Variants in SLC8A1 observed in about 807,000 individuals in gnomAD.
SLC8A1 encodes solute carrier family 8 member A1.
In SLC8A1, 18 loss-of-function variants were observed where a neutral mutation model predicts 68.3. That is an observed-to-expected ratio of 0.26 (90% CI 0.18 to 0.39). The LOEUF is 0.39. Among genes scored for constraint, SLC8A1 ranks in the 10% least tolerant of loss-of-function variants. SLC8A1 has a pLI of 1.00. For missense variants in SLC8A1, 985 were observed against 1,156.7 expected (o/e 0.85, Z 2.15); for synonymous variants, 475 against 415.5 (o/e 1.14, Z -1.74).
At chr2:40,333,519 C>T (rs953104312) in intron 2 of SLC8A1, among the ~76,000 whole-genome samples, 3 of 150,674 alleles carry the variant, frequency 2.0e-5, no homozygotes, top group African/African-American at 7.3e-5. Flanking sequence ...GTTGAGGTAA[C>T]CAATGTTATT....
At chr2:40,257,955 G>C (rs764278332) in intron 2 of SLC8A1, among the ~76,000 whole-genome samples, 2 of 152,218 alleles carry the variant, frequency 1.3e-5, no homozygotes. Flanking sequence ...GAGTGAGGAG[G>C]AAAGGAGAAT....
intron 2 of SLC8A1, among the ~76,000 whole-genome samples, chr2:40,267,227 G>A (rs2373823): frequency 0.13 from 19,034 of 152,148 alleles, 1,515 homozygotes; most frequent in Admixed American, 0.27. Flanking sequence ...TTACTTGCCT[G>A]AGTTATCTGG....
At chr2:40,192,774 C>T in intron 2 of SLC8A1, among the ~76,000 whole-genome samples, 1 of 151,980 alleles carries the variant, frequency 6.6e-6, no homozygotes, top group South Asian at 2.1e-4. Context: ...TTTGTAGAAT[C>T]ATCAAAATCC....
exon 8 of SLC8A1, chr2:40,107,383 A>G (rs2034281976): frequency 6.6e-6 from 1 of 151,574 alleles, no homozygotes; most frequent in South Asian, 2.1e-4. Context: ...TCATGTTTTT[A>G]ATTCCCCAGG....
At chr2:40,115,144 C>A in exon 8 of SLC8A1, 1 of 807,620 alleles carries the variant, frequency 1.2e-6, no homozygotes, top group African/African-American at 1.8e-5. Flanking sequence ...AAGCTGGATT[C>A]CATCAGCAGG....
chr2:40,197,304 G>A (rs449383), intron 2 of SLC8A1, among the ~76,000 whole-genome samples: 90,489 of 151,794 alleles, frequency 0.6, 28,002 homozygotes, highest in Middle Eastern at 0.77. Context: ...CTCAGAGATC[G>A]TTGGCAGAAG....
At chr2:40,402,207 T>C (rs1688948692) in intron 2 of SLC8A1, among the ~76,000 whole-genome samples, 3 of 152,156 alleles carry the variant, frequency 2.0e-5, no homozygotes, top group Admixed American at 2.0e-4. Flanking sequence ...ATATGCTAAT[T>C]ATAATGTATT....
At chr2:40,214,490 T>C (rs371103443) in intron 2 of SLC8A1, among the ~76,000 whole-genome samples, 86 of 151,910 alleles carry the variant, frequency 5.7e-4, no homozygotes, top group African/African-American at 2.0e-3. Context: ...TCTCCTGGGC[T>C]GGAGTGCAAT....
intron 2 of SLC8A1, among the ~76,000 whole-genome samples, chr2:40,386,762 T>A (rs1354598303): frequency 6.6e-6 from 1 of 151,000 alleles, no homozygotes; most frequent in African/African-American, 2.5e-5. Context: ...TACTCCTCAT[T>A]GCTGGAGGTT....
intron 2 of SLC8A1, among the ~76,000 whole-genome samples, chr2:40,349,454 C>A (rs1177708922): frequency 1.3e-5 from 2 of 152,158 alleles, no homozygotes; most frequent in Admixed American, 1.3e-4. Flanking sequence ...TTTCTAGTTA[C>A]CAGTGAAGTC....
rs551223408 is a variant in SLC8A1, at chr2:40,411,849, T to C, written c.1808+16624A>G. ...TTTCTCCTTGTCTTTTAAAAATTTC[T>C]TATATTGGGTATCCTGTTTTTATAC... On this transcript the variant is annotated intron_variant, in intron 2 of 7. Coordinates refer to ENST00000406785, the Ensembl canonical transcript of SLC8A1. 2.0e-3 allele frequency among the ~76,000 whole-genome samples: 302 copies of C among 152,206 alleles called. 1 individual carries two copies. Among genetic ancestry groups the C allele is most frequent in the African/African-American group, 7.0e-3 (289 of 41,574 alleles).
At chr2:40,185,578 A>G (rs2050551247) in intron 2 of SLC8A1, among the ~76,000 whole-genome samples, 1 of 152,154 alleles carries the variant, frequency 6.6e-6, no homozygotes, top group African/African-American at 2.4e-5. Flanking sequence ...TGATTGCCTC[A>G]AGCTGGGGAC....
chr2:40,201,095 G>A lies in SLC8A1; in HGVS notation c.1809-23240C>T, dbSNP rs115180180. 1.0e-2 allele frequency among the ~76,000 whole-genome samples: 1,510 copies of A among 151,084 alleles called. 42 individuals are homozygous for A. The highest frequency in any genetic ancestry group is 7.0e-3 in the Non-Finnish European group (472 of 67,720). ...CAGGAATATCATTCAAATCTTGAACGGAGACCCCCACTCCCTCAAAAAAAA... is the reference window on the plus strand; with the variant it reads ...CAGGAATATCATTCAAATCTTGAACAGAGACCCCCACTCCCTCAAAAAAAA... On this transcript the variant is annotated intron_variant, in intron 2 of 7. Transcript: ENST00000406785.
intron 1 of SLC8A1, among the ~76,000 whole-genome samples, chr2:40,439,773 G>T (rs1700130118): frequency 6.6e-6 from 1 of 152,050 alleles, no homozygotes; most frequent in Non-Finnish European, 1.5e-5. Context: ...TACAGTCCTT[G>T]AAAGAATAAG....
intron 2 of SLC8A1, among the ~76,000 whole-genome samples, chr2:40,322,801 C>T (rs1451473015): frequency 6.6e-6 from 1 of 150,622 alleles, no homozygotes; most frequent in Non-Finnish European, 1.5e-5. Context: ...TTATATAGTG[C>T]CTACCACCAT....
At chr2:40,330,751 C>T (rs1323893675) in intron 2 of SLC8A1, among the ~76,000 whole-genome samples, 5 of 152,176 alleles carry the variant, frequency 3.3e-5, no homozygotes, top group Non-Finnish European at 5.9e-5. Context: ...AATATATTCT[C>T]TTTTTGCACA....
intron 2 of SLC8A1, among the ~76,000 whole-genome samples, chr2:40,258,298 G>C (rs1242180612): frequency 6.6e-6 from 1 of 152,198 alleles, no homozygotes; most frequent in Non-Finnish European, 1.5e-5. Context: ...GCCACTGTGA[G>C]TGCTGGCATG....
Position 40,317,233 on chromosome 2 carries a change from T to C in SLC8A1, c.1808+111240A>G, listed in dbSNP as rs950428374. On this transcript the variant is annotated intron_variant, in intron 2 of 7. Coordinates refer to ENST00000406785, the Ensembl canonical transcript of SLC8A1. ...AATTCTCTTGTTCGACTAACTCCTCTCTGTTATTTATTACTGGAGACAGAC... is the reference window on the plus strand; with the variant it reads ...AATTCTCTTGTTCGACTAACTCCTCCCTGTTATTTATTACTGGAGACAGAC... 2.0e-5 allele frequency among the ~76,000 whole-genome samples: 3 copies of C among 152,210 alleles called. No homozygotes were observed. In the East Asian group the frequency reaches 5.8e-4, roughly 29 times the overall value.
chr2:40,416,604 C>T (rs1350589874), intron 2 of SLC8A1, among the ~76,000 whole-genome samples: 1 of 151,990 alleles, frequency 6.6e-6, no homozygotes, highest in Non-Finnish European at 1.5e-5. Flanking sequence ...ACTTCAATGC[C>T]TTAATGTTAC....
Sources: allele counts gnomAD v4.1 joint callset (sites outside exome capture counted in the v4.1 genomes callset), GRCh38; gene constraint gnomAD v4.1.1; transcripts MANE v1.5; gene names NCBI Gene and HGNC (gene_info 2026-07-23, HGNC 2026-07-21).